LRP1B: variants seen among roughly 807,000 people sequenced by gnomAD.
The protein encoded by LRP1B is LDL receptor related protein 1B.
Under a neutral mutation model 556.6 loss-of-function variants are expected in LRP1B, and 217 were observed. The ratio of observed to expected loss-of-function variants is 0.39; its 90% confidence interval spans 0.35 to 0.44. The LOEUF (loss-of-function observed/expected upper bound fraction) is 0.44, where lower values mean the gene tolerates loss of function less well. Among genes scored for constraint, LRP1B ranks in the 20% least tolerant of loss-of-function variants. The pLI is 1.00. For missense variants in LRP1B, 5,053 were observed against 5,620.8 expected, an observed-to-expected ratio of 0.90 and a Z score of 3.23; for synonymous variants, 2,047 against 1,865.8, an observed-to-expected ratio of 1.10 and a Z score of -2.50.
At chr2:141,326,585 C>CTT (rs1346412710) in intron 3 of LRP1B, among the ~76,000 whole-genome samples, 1 of 152,114 alleles carries the variant, frequency 6.6e-6, no homozygotes, top group African/African-American at 2.4e-5. Flanking sequence ...CCGATGAAGA[C>CTT]TTTGTCCCCC....
chr2:142,121,063 T>C (rs1707441513), intron 1 of LRP1B, among the ~76,000 whole-genome samples: 1 of 152,156 alleles, frequency 6.6e-6, no homozygotes, highest in Non-Finnish European at 1.5e-5. Context: ...TTTGCGGCTT[T>C]ATTTCATGCC....
intron 3 of LRP1B, among the ~76,000 whole-genome samples, chr2:141,334,087 A>G (rs1487835470): frequency 6.6e-6 from 1 of 152,196 alleles, no homozygotes; most frequent in Non-Finnish European, 1.5e-5. Context: ...AAAACAATAT[A>G]TTTCTGTCTA....
intron 2 of LRP1B, among the ~76,000 whole-genome samples, chr2:141,690,606 G>A (rs998702383): frequency 1.3e-5 from 2 of 150,322 alleles, no homozygotes; most frequent in Non-Finnish European, 1.5e-5. Context: ...TATACATTTG[G>A]TAGCTGACAT....
intron 2 of LRP1B, among the ~76,000 whole-genome samples, chr2:141,530,215 A>C (rs1412465083): frequency 6.6e-6 from 1 of 152,136 alleles, no homozygotes; most frequent in East Asian, 1.9e-4. Context: ...GGTAATGCCT[A>C]TAACTGTTTT....
chr2:141,532,934 T>A (rs1359789667), intron 2 of LRP1B, among the ~76,000 whole-genome samples: 2 of 151,996 alleles, frequency 1.3e-5, no homozygotes, highest in Non-Finnish European at 2.9e-5. Flanking sequence ...TGCAGTGAGC[T>A]GAGATTGGGC....
intron 43 of LRP1B, among the ~76,000 whole-genome samples, chr2:140,549,084 T>C (rs1680453293): frequency 6.6e-6 from 1 of 152,196 alleles, no homozygotes; most frequent in Admixed American, 6.5e-5. Context: ...CCATTTTTTT[T>C]CAGAATATAT....
intron 60 of LRP1B, among the ~76,000 whole-genome samples, chr2:140,467,823 C>T (rs1461575278): frequency 1.3e-5 from 2 of 152,046 alleles, no homozygotes; most frequent in South Asian, 4.1e-4. Flanking sequence ...AAAGGAGGTA[C>T]TTGGCTTTGT....
chr2:141,807,358 C>T (rs1358990638), intron 2 of LRP1B, among the ~76,000 whole-genome samples: 1 of 151,880 alleles, frequency 6.6e-6, no homozygotes, highest in Non-Finnish European at 1.5e-5. Flanking sequence ...ATCTAAATAT[C>T]TTGAACAGAT....
In LRP1B at chr2:140,808,511, C is replaced by A. The variant is rs1690806566; in HGVS notation, c.5359+5146G>T. Among the ~76,000 whole-genome samples, 3 of 152,126 alleles carry A rather than the reference C, an allele frequency of 2.0e-5. No homozygotes were observed. In the South Asian group the frequency reaches 6.2e-4, roughly 31 times the overall value. On this transcript the variant is annotated intron_variant, in intron 32 of 90. Transcript: ENST00000389484. ...TGGCAAACTCTTGGCTACTCAGCCT[C>A]AAATTTCACCCCATAAACTTCCTTA...
chr2:141,085,460 G>A (rs575504308), intron 7 of LRP1B, among the ~76,000 whole-genome samples: 1 of 152,246 alleles, frequency 6.6e-6, no homozygotes, highest in East Asian at 1.9e-4. Context: ...CTTGTGAGAA[G>A]AGGAAATGAG....
At position 140,923,074 on chromosome 2, in the gene LRP1B, C is replaced by T. The variant is rs2105258656; in HGVS notation, c.3210G>A (p.Leu1070=). 6.2e-7 allele frequency: 1 copy of T among 1,613,078 alleles called. No individual in the cohort carries two copies. Among genetic ancestry groups the T allele is most frequent in the South Asian group, 1.1e-5 (1 of 91,040 alleles). Residue 1070 remains leucine (L), a synonymous_variant, in exon 21 of 91, where the codon TTG becomes TTA. Transcript: ENST00000389484. ...AGTCTTTTTCTCCATCACAGCGCCA[C>T]AAATCAGGAACGCAATTACCATCAG... ...CHPDGNCVPD[L]WRCDGEKDCE... is the part of the protein sequence containing the mutation.
chr2:140,919,306 T>C (rs1264862621), intron 21 of LRP1B, among the ~76,000 whole-genome samples: 2 of 152,066 alleles, frequency 1.3e-5, no homozygotes, highest in African/African-American at 2.4e-5. Context: ...ATACAACTTA[T>C]ATTTTTTGTG....
In LRP1B at chr2:140,834,001, G is replaced by A. The variant is rs535172981; in HGVS notation, c.5209+5990C>T. Reference sequence around the variant, plus strand: ...ATTGCCCAGGAAGATAAAAGTTGCCGATACTATTGTTTATTTCAAGATCTT... The same window carrying A: ...ATTGCCCAGGAAGATAAAAGTTGCCAATACTATTGTTTATTTCAAGATCTT... On this transcript the variant is annotated intron_variant, in intron 31 of 90. Transcript: ENST00000389484. Among the ~76,000 whole-genome samples, 4 of 152,198 alleles carry A rather than the reference G, an allele frequency of 2.6e-5. No homozygotes were observed. In the South Asian group the frequency reaches 8.3e-4, roughly 32 times the overall value.
intron 27 of LRP1B, among the ~76,000 whole-genome samples, chr2:140,852,693 T>C (rs1692496263): frequency 6.6e-6 from 1 of 152,228 alleles, no homozygotes; most frequent in Admixed American, 6.5e-5. Context: ...GCTCCACATG[T>C]ACATACTTAC....
chr2:141,684,760 G>A (rs769159995), intron 2 of LRP1B, among the ~76,000 whole-genome samples: 1 of 152,010 alleles, frequency 6.6e-6, no homozygotes, highest in African/African-American at 2.4e-5. Flanking sequence ...AAATCTTTGT[G>A]ATATACATGG....
intron 20 of LRP1B, among the ~76,000 whole-genome samples, chr2:140,934,673 C>G (rs1184016133): frequency 4.6e-5 from 7 of 152,100 alleles, no homozygotes; most frequent in Admixed American, 3.3e-4. Flanking sequence ...AGGATCTGCC[C>G]TCCAAATTCT....
In LRP1B at chr2:141,083,839, C is replaced by T. The variant is rs566521987; in HGVS notation, c.1014-21566G>A. 1.6e-3 allele frequency among the ~76,000 whole-genome samples: 242 copies of T among 152,260 alleles called. 1 individual carries two copies. The highest frequency in any genetic ancestry group is 2.8e-3 in the Non-Finnish European group (188 of 68,012). The stretch of plus-strand genomic sequence containing the variant: ...GAGGGCCCTCACCAGATTCACCCCC[C>T]GACCTTGGACTTCACAGTTTTCATT... On this transcript the variant is annotated intron_variant, in intron 7 of 90. Transcript: ENST00000389484.
intron 1 of LRP1B, among the ~76,000 whole-genome samples, chr2:142,064,086 A>AT (rs1281189864): frequency 1.3e-5 from 2 of 151,662 alleles, no homozygotes; most frequent in African/African-American, 4.8e-5. Context: ...TTCTATGTCT[A>AT]GTAAATCCAA....
At chr2:140,884,048 G>GCACC in intron 24 of LRP1B, 27 bp from the exon 25 acceptor site, 1 of 1,599,080 alleles carries the variant, frequency 6.3e-7, no homozygotes. Flanking sequence ...ACCAACATGT[G>GCACC]CACCCATTCA....
Sources: allele counts gnomAD v4.1 joint callset (sites outside exome capture counted in the v4.1 genomes callset), GRCh38; gene constraint gnomAD v4.1.1; transcripts MANE v1.5; gene names NCBI Gene and HGNC (gene_info 2026-07-23, HGNC 2026-07-21).